The following SH2D4A variants were observed in gnomAD, a reference collection of about 807,000 sequenced individuals.
SH2D4A encodes the protein SH2 domain containing 4A, also known as SH2 domain-containing protein 4A.
Under a neutral mutation model 64.7 loss-of-function variants are expected in SH2D4A, and 70 were observed. The ratio of observed to expected loss-of-function variants is 1.08; its 90% confidence interval spans 0.89 to 1.32. The LOEUF is 1.32. SH2D4A is among the 40% of genes most tolerant of loss of function. SH2D4A has a pLI of 0.00. For synonymous variants in SH2D4A, 268 were observed against 200.7 expected, an observed-to-expected ratio of 1.34 and a Z score of -2.83; for missense variants, 706 against 540.1, an observed-to-expected ratio of 1.31 and a Z score of -3.04.
chr8:19,315,442 TTA>T (rs1369819732), intron 1 of SH2D4A, among the ~76,000 whole-genome samples: 2 of 152,216 alleles, frequency 1.3e-5, no homozygotes, highest in Non-Finnish European at 2.9e-5. Flanking sequence ...CCTACTATTT[TTA>T]TGATTTAGCC....
chr8:19,342,083 T>G (rs2052538534), intron 4 of SH2D4A, among the ~76,000 whole-genome samples: 2 of 152,166 alleles, frequency 1.3e-5, no homozygotes, highest in Non-Finnish European at 2.9e-5. Flanking sequence ...ATTACCCTTT[T>G]TATTTGTACT....
intron 1 of SH2D4A, among the ~76,000 whole-genome samples, chr8:19,316,856 AT>A (rs1334976470): frequency 6.6e-6 from 1 of 152,214 alleles, no homozygotes; most frequent in African/African-American, 2.4e-5. Flanking sequence ...TGAGATGGGC[AT>A]AGTGATGGGC....
intron 3 of SH2D4A, among the ~76,000 whole-genome samples, chr8:19,334,360 TG>T (rs35335245): frequency 0.18 from 28,077 of 152,006 alleles, 2,851 homozygotes; most frequent in Middle Eastern, 0.27. Flanking sequence ...GCAGACGGTG[TG>T]GTTCTAATAG....
At chr8:19,319,784 C>A in intron 2 of SH2D4A, 56 bp downstream of exon 2, 4 of 1,469,556 alleles carry the variant, frequency 2.7e-6, no homozygotes, top group South Asian at 3.0e-5. Flanking sequence ...TCCTGGCTTG[C>A]TTTGACAATT....
chr8:19,316,289 C>A (rs971956652), intron 1 of SH2D4A, among the ~76,000 whole-genome samples: 1 of 152,116 alleles, frequency 6.6e-6, no homozygotes, highest in Non-Finnish European at 1.5e-5. Context: ...TAGAAATCCA[C>A]GTTTGCTATA....
intron 8 of SH2D4A, among the ~76,000 whole-genome samples, chr8:19,376,407 A>T (rs1321724399): frequency 6.6e-6 from 1 of 152,174 alleles, no homozygotes; most frequent in African/African-American, 2.4e-5. Context: ...GGATCACTTG[A>T]GGTCAGGAGT....
intron 7 of SH2D4A, among the ~76,000 whole-genome samples, chr8:19,366,682 C>T (rs904964978): frequency 6.6e-6 from 1 of 152,076 alleles, no homozygotes; most frequent in Non-Finnish European, 1.5e-5. Context: ...ATTCCAGCTA[C>T]ACTGGAGGCT....
intron 5 of SH2D4A, 163 bp from the exon 6 acceptor site, chr8:19,361,040 T>A (rs1344589448): frequency 2.1e-6 from 1 of 468,796 alleles, no homozygotes; most frequent in Admixed American, 3.6e-5. Flanking sequence ...CAGGTCTTAC[T>A]GACTCCAAAG....
intron 4 of SH2D4A, among the ~76,000 whole-genome samples, chr8:19,344,146 C>G (rs2052573722): frequency 6.6e-6 from 1 of 152,130 alleles, no homozygotes; most frequent in Non-Finnish European, 1.5e-5. Context: ...GTGGCTTACC[C>G]TAGTACCCAT....
At chr8:19,380,465 A>G (rs1327261419) in intron 8 of SH2D4A, among the ~76,000 whole-genome samples, 1 of 152,066 alleles carries the variant, frequency 6.6e-6, no homozygotes, top group Non-Finnish European at 1.5e-5. Context: ...TGTTGTGAAG[A>G]TTTGGCCCTC....
chr8:19,379,724 T>A (rs549714506), intron 8 of SH2D4A, among the ~76,000 whole-genome samples: 1 of 152,132 alleles, frequency 6.6e-6, no homozygotes, highest in African/African-American at 2.4e-5. Context: ...CCAGCACTTG[T>A]TATTTTTCTT....
At chr8:19,373,880 G>A (rs1303383682) in intron 8 of SH2D4A, among the ~76,000 whole-genome samples, 3 of 152,096 alleles carry the variant, frequency 2.0e-5, no homozygotes, top group Non-Finnish European at 2.9e-5. Flanking sequence ...ATGCACTGTG[G>A]GGCAGACTTA....
intron 8 of SH2D4A, among the ~76,000 whole-genome samples, chr8:19,376,321 C>G (rs189048371): frequency 1.3e-5 from 2 of 152,182 alleles, no homozygotes; most frequent in African/African-American, 4.8e-5. Flanking sequence ...CCAAGTCCTC[C>G]CATTTAAATC....
intron 8 of SH2D4A, among the ~76,000 whole-genome samples, chr8:19,384,442 TC>T (rs2053349495): frequency 6.6e-6 from 1 of 152,232 alleles, no homozygotes; most frequent in Non-Finnish European, 1.5e-5. Context: ...TCTCTTCTTA[TC>T]CCATTGTCCT....
At chr8:19,325,927 T>C (rs904390850) in intron 2 of SH2D4A, among the ~76,000 whole-genome samples, 3 of 152,204 alleles carry the variant, frequency 2.0e-5, no homozygotes, top group African/African-American at 7.2e-5. Flanking sequence ...ACCTAGCGTT[T>C]TCATCACCCT....
intron 2 of SH2D4A, among the ~76,000 whole-genome samples, chr8:19,322,854 C>G (rs1168419890): frequency 6.6e-6 from 1 of 151,700 alleles, no homozygotes; most frequent in African/African-American, 2.4e-5. Context: ...TTTGTATTTT[C>G]AGTAGAGACA....
intron 4 of SH2D4A, among the ~76,000 whole-genome samples, chr8:19,353,166 CT>C (rs1678356025): frequency 6.6e-6 from 1 of 151,960 alleles, no homozygotes. Context: ...ATTTTCTTCC[CT>C]TTTTTGGTAT....
At chr8:19,392,725 A>G (rs1289132135) in intron 8 of SH2D4A, among the ~76,000 whole-genome samples, 1 of 151,862 alleles carries the variant, frequency 6.6e-6, no homozygotes, top group African/African-American at 2.4e-5. Context: ...ATAAGTAGAA[A>G]TATATTCCTT....
intron 6 of SH2D4A, among the ~76,000 whole-genome samples, chr8:19,361,701 G>A (rs2052891249): frequency 1.3e-5 from 2 of 151,020 alleles, no homozygotes; most frequent in South Asian, 4.2e-4. Context: ...TGAAGGAAAA[G>A]AACTGGAAGG....
Sources: gnomAD v4.1 joint callset for allele counts (sites outside exome capture counted in the v4.1 genomes callset) on GRCh38, gnomAD v4.1.1 for gene constraint, MANE v1.5 for transcripts, NCBI Gene and HGNC (gene_info 2026-07-23, HGNC 2026-07-21) for gene names.